RNASEH2B: variants seen among roughly 807,000 people sequenced by gnomAD.
RNASEH2B encodes ribonuclease H2 subunit B, also known as Aicardi-Goutieres syndrome 2 protein.
A neutral mutation model predicts 45.0 loss-of-function variants in RNASEH2B; 36 were observed. That is an observed-to-expected ratio of 0.80 (90% CI 0.61 to 1.06). The LOEUF (loss-of-function observed/expected upper bound fraction) is 1.06. Ranked by LOEUF, RNASEH2B falls within the 50% of genes least tolerant of loss-of-function variation. RNASEH2B has a pLI of 0.00. For synonymous variants in RNASEH2B, 119 were observed against 125.7 expected, an observed-to-expected ratio of 0.95 and a Z score of 0.35; for missense variants, 361 against 360.3, an observed-to-expected ratio of 1.00 and a Z score of -0.02.
rs116206820 is a variant in RNASEH2B, at chr13:50,926,434, A to C, written c.65-973A>C. 9.0e-3 allele frequency among the ~76,000 whole-genome samples: 1,369 copies of C among 152,242 alleles called. 18 individuals are homozygous for C. The highest frequency in any genetic ancestry group is 0.031 in the African/African-American group (1,301 of 41,546). ...TTTTTGGTAATAGGAACATTTTAAGAGTTCTGTGAATATGCCACTCAAAAT... is the reference window on the plus strand; with the variant it reads ...TTTTTGGTAATAGGAACATTTTAAGCGTTCTGTGAATATGCCACTCAAAAT... On this transcript the variant is annotated intron_variant, in intron 1 of 10. Coordinates refer to ENST00000336617, the MANE Select transcript of RNASEH2B (RefSeq NM_024570.4).
chr13:50,914,599 C>T (rs1335079406), intron 1 of RNASEH2B, among the ~76,000 whole-genome samples: 1 of 152,096 alleles, frequency 6.6e-6, no homozygotes, highest in Non-Finnish European at 1.5e-5. Flanking sequence ...ACCCGACTGA[C>T]CTTTCTCAGA....
chr13:50,929,513 C>T lies in RNASEH2B; in HGVS notation c.175C>T (p.Gln59Ter). ...AIYLFNMCLQ[Q>*]LFEVKVFKEK... Reference sequence around the variant, plus strand: ...TTACTTGTTCAATATGTGTCTACAGCAGCTGTTTGAAGTAAAAGTTTTCAA... The same window carrying T: ...TTACTTGTTCAATATGTGTCTACAGTAGCTGTTTGAAGTAAAAGTTTTCAA... The change falls in exon 3 of 11, where the codon CAG (glutamine) becomes TAG (stop). Residue 59 changes from glutamine (Q) to a stop codon, truncating the protein, a stop_gained. Coordinates refer to ENST00000336617, the MANE Select transcript of RNASEH2B (RefSeq NM_024570.4). LOFTEE classifies it high-confidence loss of function. 4 of 1,613,738 alleles carry T rather than the reference C, an allele frequency of 2.5e-6. No homozygotes were observed. The highest frequency in any genetic ancestry group is 3.4e-6 in the Non-Finnish European group (4 of 1,179,746).
chr13:50,927,214 A>G, intron 1 of RNASEH2B, 193 bp from the exon 2 acceptor site: 1 of 509,326 alleles, frequency 2.0e-6, no homozygotes, highest in Non-Finnish European at 3.6e-6. Flanking sequence ...AATACATTTA[A>G]ACTACCTGAA....
chr13:50,925,212 A>AT (rs35802230), intron 1 of RNASEH2B, among the ~76,000 whole-genome samples: 63 of 148,264 alleles, frequency 4.2e-4, no homozygotes, highest in South Asian at 1.5e-3. Flanking sequence ...CAATTTAGGT[A>AT]TTTTTTTTTT....
At chr13:50,944,987 G>A (rs1011293816) in intron 6 of RNASEH2B, among the ~76,000 whole-genome samples, 1 of 152,118 alleles carries the variant, frequency 6.6e-6, no homozygotes, top group African/African-American at 2.4e-5. Context: ...TATAAATTTT[G>A]TGCCAGGTTC....
intron 7 of RNASEH2B, among the ~76,000 whole-genome samples, chr13:50,946,147 AATCT>A (rs773973121): frequency 1.3e-5 from 2 of 152,170 alleles, no homozygotes; most frequent in Non-Finnish European, 1.5e-5. Context: ...ATTCTTTTAT[AATCT>A]AAAAAAGGTA....
At chr13:50,967,496 A>G (rs567364153) in intron 9 of RNASEH2B, among the ~76,000 whole-genome samples, 38 of 152,298 alleles carry the variant, frequency 2.5e-4, no homozygotes, top group African/African-American at 8.9e-4. Context: ...TATGGCACAA[A>G]GGGTATTATT....
chr13:50,961,622 C>T (rs1361084316), downstream of RNASEH2B, among the ~76,000 whole-genome samples: 1 of 152,018 alleles, frequency 6.6e-6, no homozygotes, highest in Non-Finnish European at 1.5e-5. Context: ...ACCCTGGTTC[C>T]TTTCAGTGAA....
At chr13:50,950,966 C>T (rs1951968546) in intron 9 of RNASEH2B, 1 of 152,226 alleles carries the variant, frequency 6.6e-6, no homozygotes. Flanking sequence ...TCTATTGCAG[C>T]TACTCAACTC....
chr13:50,954,218 C>T, intron 10 of RNASEH2B: 1 of 606,862 alleles, frequency 1.6e-6, no homozygotes, highest in Middle Eastern at 3.9e-4. Context: ...AAGAGTGTGC[C>T]TAAATTTTGC....
intron 2 of RNASEH2B, 90 bp from the exon 3 acceptor site, chr13:50,929,385 G>A (rs190352246): frequency 5.7e-5 from 46 of 809,446 alleles, no homozygotes; most frequent in African/African-American, 3.2e-4. Flanking sequence ...AGGAACATTC[G>A]TCAGAGATAC....
chr13:50,931,548 T>C (rs116105977), intron 4 of RNASEH2B, among the ~76,000 whole-genome samples: 1,528 of 152,328 alleles, frequency 0.01, 24 homozygotes, highest in African/African-American at 0.034. Context: ...CTCTTTAGTG[T>C]TTGGCTTAAC....
At chr13:50,937,761 G>T (rs1951774723) in intron 5 of RNASEH2B, 1 of 152,164 alleles carries the variant, frequency 6.6e-6, no homozygotes, top group Non-Finnish European at 1.5e-5. Flanking sequence ...ATTCAGTCAT[G>T]ATATATATTA....
At chr13:50,925,542 A>G (rs978398863) in intron 1 of RNASEH2B, among the ~76,000 whole-genome samples, 1 of 152,206 alleles carries the variant, frequency 6.6e-6, no homozygotes. Context: ...TGGTAGGACC[A>G]GTCCAGCAAA....
chr13:50,963,918 C>T (rs1952138682), intron 9 of RNASEH2B, among the ~76,000 whole-genome samples: 1 of 152,210 alleles, frequency 6.6e-6, no homozygotes, highest in African/African-American at 2.4e-5. Context: ...AGAGTCCCGG[C>T]CGGGTGCGTT....
In RNASEH2B at chr13:50,956,339, C is replaced by G; in HGVS notation, c.823-19C>G. 1 of 1,564,484 alleles carries G rather than the reference C, an allele frequency of 6.4e-7. No individual in the cohort carries two copies. Among genetic ancestry groups the G allele is most frequent in the Non-Finnish European group, 8.7e-7 (1 of 1,144,660 alleles). On this transcript the variant is annotated intron_variant, in intron 10 of 10. Transcript: ENST00000336617. ...ATGTTACATTCATAACAATTTTTCT[C>G]TCTTATTTTCATTAACAGAAAAATA...
chr13:50,952,650 C>T (rs1252278919), intron 9 of RNASEH2B: 1 of 152,260 alleles, frequency 6.6e-6, no homozygotes, highest in Non-Finnish European at 1.5e-5. Flanking sequence ...GACCGCCCAC[C>T]TCGGCCTCCC....
intron 8 of RNASEH2B, chr13:50,948,375 G>A (rs117101976): frequency 1.1e-4 from 26 of 237,362 alleles, no homozygotes; most frequent in African/African-American, 2.3e-4. Context: ...CTTTGTGATC[G>A]TTTTAAGAGG....
At chr13:50,948,180 C>A in intron 8 of RNASEH2B, 112 bp downstream of exon 8, 1 of 1,530,110 alleles carries the variant, frequency 6.5e-7, no homozygotes, top group Non-Finnish European at 8.8e-7. Flanking sequence ...CAAGATTATT[C>A]TTCAGCTATG....
Sources: gnomAD v4.1 joint callset for allele counts (sites outside exome capture counted in the v4.1 genomes callset) on GRCh38, gnomAD v4.1.1 for gene constraint, MANE v1.5 for transcripts, NCBI Gene and HGNC (gene_info 2026-07-23, HGNC 2026-07-21) for gene names.